Variants in PLAG1 observed in about 807,000 individuals in gnomAD.
PLAG1 encodes the protein PLAG1 zinc finger, also known as zinc finger protein PLAG1.
In PLAG1, 7 loss-of-function variants were observed where a neutral mutation model predicts 35.5. The ratio of observed to expected loss-of-function variants is 0.20; its 90% confidence interval spans 0.11 to 0.37. The LOEUF is 0.37. PLAG1 is among the 10% of genes least tolerant of loss of function. PLAG1 has a pLI of 1.00. For synonymous variants in PLAG1, 229 were observed against 225.4 expected (o/e 1.02, Z -0.14); for missense variants, 454 against 602.8 (o/e 0.75, Z 2.58).
intron 1 of PLAG1, among the ~76,000 whole-genome samples, chr8:56,180,605 A>G (rs1483167473): frequency 6.6e-6 from 1 of 152,200 alleles, no homozygotes; most frequent in Admixed American, 6.5e-5. Flanking sequence ...TTTAGGTCTT[A>G]CGTTTAAGTC....
chr8:56,194,010 G>C (rs922966161), intron 1 of PLAG1, among the ~76,000 whole-genome samples: 27 of 152,096 alleles, frequency 1.8e-4, no homozygotes, highest in African/African-American at 6.5e-4. Flanking sequence ...GAGCCACCAC[G>C]CCCGGCCTTC....
chr8:56,191,008 C>T (rs1461268776), intron 1 of PLAG1, among the ~76,000 whole-genome samples: 3 of 152,102 alleles, frequency 2.0e-5, no homozygotes, highest in East Asian at 1.9e-4. Flanking sequence ...GGGAGCCCGG[C>T]GCTACGGAAT....
At chr8:56,177,963 T>C (rs992788767) in intron 2 of PLAG1, 1 of 866,704 alleles carries the variant, frequency 1.2e-6, no homozygotes, top group Non-Finnish European at 1.4e-6. Flanking sequence ...AGGCACGTGC[T>C]ACCCAGAGCC....
intron 1 of PLAG1, among the ~76,000 whole-genome samples, chr8:56,202,563 C>A (rs1332467285): frequency 2.0e-5 from 3 of 152,182 alleles, no homozygotes; most frequent in Non-Finnish European, 4.4e-5. Context: ...TGTACAAAAG[C>A]TATTATGAGT....
intron 1 of PLAG1, among the ~76,000 whole-genome samples, chr8:56,180,764 A>G (rs1396881998): frequency 6.6e-6 from 1 of 152,218 alleles, no homozygotes; most frequent in Non-Finnish European, 1.5e-5. Flanking sequence ...TTTATCAAAG[A>G]GTGAACAGGC....
intron 1 of PLAG1, among the ~76,000 whole-genome samples, chr8:56,202,698 T>G (rs999674956): frequency 2.6e-5 from 4 of 152,162 alleles, no homozygotes; most frequent in African/African-American, 7.2e-5. Flanking sequence ...AGATCTAATG[T>G]TTAAGTAGAG....
chr8:56,179,554 A>T, intron 1 of PLAG1, 41 bp from the exon 2 acceptor site: 1 of 450,698 alleles, frequency 2.2e-6, no homozygotes, highest in Non-Finnish European at 2.9e-6. Flanking sequence ...TCCAAAAGTC[A>T]GGCCAATCTG....
intron 1 of PLAG1, among the ~76,000 whole-genome samples, chr8:56,209,790 T>C (rs77458784): frequency 2.4e-4 from 37 of 152,166 alleles, no homozygotes; most frequent in African/African-American, 8.7e-4. Context: ...CTATCCCTCC[T>C]CTGCAGAGCC....
At position 56,164,255 on chromosome 8, in the gene PLAG1, A is replaced by G. The variant is rs950490917; in HGVS notation, c.*1988T>C. The G allele has an allele frequency of 2.9e-5, 6 of 209,580 alleles. No homozygotes were observed. Among genetic ancestry groups the G allele is most frequent in the Admixed American group, 1.2e-4 (2 of 16,900 alleles). 13.0% of individuals were successfully genotyped at this position (209,580 alleles called of 1,614,324 possible). ...GATTAAAAAAATATAGGAGCATGAT[A>G]AAATATCAGGAGCCAAAGCTCCTTC... On this transcript the variant is annotated 3_prime_UTR_variant, in exon 5 of 5. Transcript: ENST00000316981.
At chr8:56,196,815 GTC>G (rs991027250) in intron 1 of PLAG1, among the ~76,000 whole-genome samples, 1 of 151,960 alleles carries the variant, frequency 6.6e-6, no homozygotes, top group Non-Finnish European at 1.5e-5. Context: ...CTATGCATGT[GTC>G]TCTCTCTCTC....
intron 1 of PLAG1, among the ~76,000 whole-genome samples, chr8:56,203,457 C>T (rs1812614676): frequency 6.6e-6 from 1 of 152,058 alleles, no homozygotes; most frequent in Admixed American, 6.6e-5. Flanking sequence ...AAATGTCTTA[C>T]ACCTTTTTCT....
intron 1 of PLAG1, among the ~76,000 whole-genome samples, chr8:56,188,309 A>G (rs1179674751): frequency 6.6e-6 from 1 of 152,092 alleles, no homozygotes; most frequent in Non-Finnish European, 1.5e-5. Flanking sequence ...CTGATACGGG[A>G]AAAAAAATGA....
intron 1 of PLAG1, among the ~76,000 whole-genome samples, chr8:56,181,514 C>T (rs1178630244): frequency 2.2e-5 from 3 of 138,608 alleles, no homozygotes; most frequent in Non-Finnish European, 4.6e-5. Flanking sequence ...GGGAGTTGAA[C>T]AATAAGAACA....
chr8:56,181,062 A>T (rs902920896), intron 1 of PLAG1, among the ~76,000 whole-genome samples: 2 of 152,216 alleles, frequency 1.3e-5, no homozygotes, highest in Non-Finnish European at 2.9e-5. Flanking sequence ...AATAGTCAGG[A>T]AACAACAGAT....
intron 1 of PLAG1, among the ~76,000 whole-genome samples, chr8:56,184,242 T>C (rs1811952879): frequency 6.6e-6 from 1 of 152,202 alleles, no homozygotes; most frequent in South Asian, 2.1e-4. Context: ...AAAAGATCAC[T>C]GATCATTAGG....
chr8:56,208,058 C>T (rs1812745841), intron 1 of PLAG1, among the ~76,000 whole-genome samples: 1 of 151,912 alleles, frequency 6.6e-6, no homozygotes, highest in African/African-American at 2.4e-5. Context: ...TCTAATATAA[C>T]TTGAATTCCT....
intron 3 of PLAG1, 72 bp downstream of exon 3, chr8:56,171,019 T>G (rs926381645): frequency 4.5e-6 from 1 of 222,348 alleles, no homozygotes; most frequent in African/African-American, 2.3e-5. Flanking sequence ...ACCACATTCA[T>G]AATATGCATA....
In PLAG1 at chr8:56,166,503, C is replaced by G. The variant is rs1272220021; in HGVS notation, c.1243G>C (p.Ala415Pro). ...TTAAACAACTGAGAAAAATCCAATG[C>G]TGGTGTGTTTAGGGGGTCACTGATG... ...ISISDPLNTPALDFSQLFNFI... is the reference protein window; with the variant it reads ...ISISDPLNTPPLDFSQLFNFI... Residue 415 changes from alanine to proline, a missense_variant, in exon 5 of 5, where the codon GCA becomes CCA. Physicochemically the swap from Ala to Pro is conservative, Grantham distance 27. Coordinates refer to ENST00000316981, the MANE Select transcript of PLAG1 (RefSeq NM_002655.3). 6.2e-7 allele frequency: 1 copy of G among 1,613,990 alleles called. No individual in the cohort carries two copies. Among genetic ancestry groups the G allele is most frequent in the Non-Finnish European group, 8.5e-7 (1 of 1,179,936 alleles).
chr8:56,207,047 TAA>T (rs1812720512), intron 1 of PLAG1, among the ~76,000 whole-genome samples: 1 of 152,024 alleles, frequency 6.6e-6, no homozygotes. Context: ...GCAATGTAAG[TAA>T]GTTTCTTCAG....
Sources: gnomAD v4.1 joint callset for allele counts (sites outside exome capture counted in the v4.1 genomes callset) on GRCh38, gnomAD v4.1.1 for gene constraint, MANE v1.5 for transcripts, NCBI Gene and HGNC (gene_info 2026-07-23, HGNC 2026-07-21) for gene names.